The following PTPRG variants were observed in gnomAD, a reference collection of about 807,000 sequenced individuals.
PTPRG encodes the protein receptor-type tyrosine-protein phosphatase gamma.
PTPRG carries 102 observed loss-of-function variants against 165.3 expected under a neutral mutation model. That is an observed-to-expected ratio of 0.62 (90% confidence interval 0.53 to 0.73). PTPRG has a LOEUF of 0.73. Among genes scored for constraint, PTPRG ranks in the 30% least tolerant of loss-of-function variants. PTPRG has a pLI of 0.00. For missense variants in PTPRG, 1,866 were observed against 1,861.4 expected, an observed-to-expected ratio of 1.00 and a Z score of -0.05; for synonymous variants, 675 against 669.5, an observed-to-expected ratio of 1.01 and a Z score of -0.13.
chr3:62,124,441 G>T (rs1427780317), intron 5 of PTPRG: 4 of 1,613,716 alleles, frequency 2.5e-6, no homozygotes, highest in Non-Finnish European at 3.4e-6. Context: ...TCACATTCTT[G>T]TTCTGGGGGA....
At chr3:61,907,991 T>G (rs559675859) in intron 2 of PTPRG, among the ~76,000 whole-genome samples, 38 of 151,832 alleles carry the variant, frequency 2.5e-4, no homozygotes, top group Non-Finnish European at 4.6e-4. Flanking sequence ...TGTAGTGGTG[T>G]GTGCCTGTAG....
At chr3:61,853,023 T>C (rs2037008022) in intron 2 of PTPRG, among the ~76,000 whole-genome samples, 1 of 152,242 alleles carries the variant, frequency 6.6e-6, no homozygotes, top group Non-Finnish European at 1.5e-5. Context: ...GAATGATTTC[T>C]TTGTAACAGC....
At chr3:61,752,860 T>G (rs2106932198) in intron 2 of PTPRG, among the ~76,000 whole-genome samples, 1 of 151,680 alleles carries the variant, frequency 6.6e-6, no homozygotes, top group East Asian at 1.9e-4. Context: ...CCTGGGTTTT[T>G]AGCAGATGTT....
chr3:61,659,014 G>A (rs6772198), intron 1 of PTPRG, among the ~76,000 whole-genome samples: 2,891 of 151,910 alleles, frequency 0.019, 89 homozygotes, highest in African/African-American at 0.064. Flanking sequence ...CTTCTACCTA[G>A]GAGCATGAGT....
intron 2 of PTPRG, among the ~76,000 whole-genome samples, chr3:61,767,239 T>TTAAAAAAAAA (rs1371380259): frequency 1.4e-5 from 1 of 73,080 alleles, no homozygotes. Flanking sequence ...AGATTCCATC[T>TTAAAAAAAAA]CAAAAAAAAA....
chr3:62,003,450 T>C lies in PTPRG; in HGVS notation c.472T>C (p.Ser158Pro), dbSNP rs771166810. Residue 158 changes from serine to proline, a missense_variant, in exon 4 of 30, where the codon TCA (serine) becomes CCA (proline). Transcript: ENST00000474889. ...ATTTCACTGGGGCCACAGCAATGGC[T>C]CAGCGGGCTCTGAACACAGCATCAA... ...VEFHWGHSNG[S>P]AGSEHSINGR... The C allele has an allele frequency of 1.2e-6, 2 of 1,614,014 alleles. No individual in the cohort carries two copies. Among genetic ancestry groups the C allele is most frequent in the East Asian group, 4.5e-5 (2 of 44,844 alleles).
At chr3:62,283,089 A>G (rs1702514728) in intron 28 of PTPRG, among the ~76,000 whole-genome samples, 1 of 152,094 alleles carries the variant, frequency 6.6e-6, no homozygotes, top group Non-Finnish European at 1.5e-5. Context: ...TCTAGAGTAT[A>G]TGTTCTAGAA....
chr3:62,111,149 A>T (rs1239235341), intron 5 of PTPRG, among the ~76,000 whole-genome samples: 1 of 152,236 alleles, frequency 6.6e-6, no homozygotes, highest in Non-Finnish European at 1.5e-5. Context: ...GAATTGTTGT[A>T]GTGAGTTCCT....
intron 2 of PTPRG, among the ~76,000 whole-genome samples, chr3:61,941,222 C>T (rs777637615): frequency 9.2e-5 from 14 of 152,268 alleles, no homozygotes; most frequent in Non-Finnish European, 1.9e-4. Context: ...AGTCGTCCAA[C>T]ATGCTTCATC....
At chr3:62,021,857 C>CTTTTTTTTTTT (rs398062374) in intron 4 of PTPRG, among the ~76,000 whole-genome samples, 1 of 97,090 alleles carries the variant, frequency 1.0e-5, no homozygotes, top group Non-Finnish European at 2.1e-5. Flanking sequence ...TTTTCCTTTT[C>CTTTTTTTTTTT]TTTTTTTTTT....
intron 4 of PTPRG, among the ~76,000 whole-genome samples, chr3:62,063,366 C>A (rs570843805): frequency 1.3e-3 from 197 of 152,322 alleles, no homozygotes; most frequent in African/African-American, 4.5e-3. Flanking sequence ...GAAAATGCCT[C>A]TCTCTAATCA....
At chr3:61,753,619 C>CT in intron 2 of PTPRG, 1 of 383,754 alleles carries the variant, frequency 2.6e-6, no homozygotes, top group Non-Finnish European at 5.0e-6. Context: ...GGATCTTGCT[C>CT]TTTCACCCAG....
At position 62,112,191 on chromosome 3, in the gene PTPRG, G is replaced by C. The variant is rs944536772; in HGVS notation, c.616-20411G>C. Among the ~76,000 whole-genome samples the C allele has an allele frequency of 1.3e-4, 20 of 151,962 alleles. No homozygotes were observed. In the East Asian group the frequency reaches 3.7e-3, roughly 28 times the overall value. The stretch of plus-strand genomic sequence containing the variant: ...TCTTGGCTCACTGACTGCAACCTCT[G>C]CCTCCCAGATTCAAGTGATTCTCCT... On this transcript the variant is annotated intron_variant, in intron 5 of 29. Coordinates refer to ENST00000474889, the MANE Select transcript of PTPRG (RefSeq NM_002841.4).
At chr3:62,060,756 C>G (rs745691562) in intron 4 of PTPRG, among the ~76,000 whole-genome samples, 1 of 152,128 alleles carries the variant, frequency 6.6e-6, no homozygotes. Flanking sequence ...ATTGTTTTAT[C>G]TCTATTCTTG....
At chr3:61,738,991 GTTTTT>G (rs1202711922) in intron 1 of PTPRG, 4 of 28,292 alleles carry the variant, frequency 1.4e-4, no homozygotes, top group Non-Finnish European at 1.8e-4. Flanking sequence ...TTTTTTTTTT[GTTTTT>G]TTTTTTTTGG....
intron 2 of PTPRG, among the ~76,000 whole-genome samples, chr3:61,916,172 C>T (rs2038931606): frequency 6.6e-6 from 1 of 152,188 alleles, no homozygotes; most frequent in Non-Finnish European, 1.5e-5. Flanking sequence ...ACAGTCTCCT[C>T]TTGAGCCTAA....
rs548456546 is a variant in PTPRG, at chr3:62,221,509, T to C, written c.2288+2526T>C. Among the ~76,000 whole-genome samples the C allele has an allele frequency of 5.9e-5, 9 of 152,304 alleles. No individual in the cohort carries two copies. The South Asian group carries it at 1.0e-3, about 18-fold the overall frequency. Reference sequence around the variant, plus strand: ...ATTATTAATGCGAAAGAAGAAAGCATTGGGGAGCTCACATAGAAAATTGGT... The same window carrying C: ...ATTATTAATGCGAAAGAAGAAAGCACTGGGGAGCTCACATAGAAAATTGGT... On this transcript the variant is annotated intron_variant, in intron 13 of 29. Transcript: ENST00000474889.
At chr3:62,031,278 A>G (rs1213420720) in intron 4 of PTPRG, among the ~76,000 whole-genome samples, 2 of 152,208 alleles carry the variant, frequency 1.3e-5, no homozygotes, top group Non-Finnish European at 2.9e-5. Flanking sequence ...CCTAGAAGCA[A>G]TGGGTTTACT....
chr3:61,686,086 G>C lies in PTPRG; in HGVS notation c.86-62792G>C, dbSNP rs72876301. ...CGTTACCTCATTCCCGTGGTCTTGC[G>C]TGGGGAGGGACTTGTTTACATTTGT... is the stretch of plus-strand genomic sequence containing the variant. On this transcript the variant is annotated intron_variant, in intron 1 of 29. Transcript: ENST00000474889. Among the ~76,000 whole-genome samples the C allele has an allele frequency of 1.9e-3, 294 of 152,292 alleles. 2 individuals are homozygous for C. Among genetic ancestry groups the C allele is most frequent in the African/African-American group, 6.7e-3 (279 of 41,568 alleles).
Sources: gnomAD v4.1 joint callset for allele counts (sites outside exome capture counted in the v4.1 genomes callset) on GRCh38, gnomAD v4.1.1 for gene constraint, MANE v1.5 for transcripts, NCBI Gene and HGNC (gene_info 2026-07-23, HGNC 2026-07-21) for gene names.